NSRP1: variants seen among roughly 807,000 people sequenced by gnomAD.
NSRP1 encodes the protein coiled-coil domain containing 55.
Under a neutral mutation model 54.7 loss-of-function variants are expected in NSRP1, and 24 were observed. The ratio of observed to expected loss-of-function variants is 0.44; its 90% CI spans 0.32 to 0.62. The LOEUF (loss-of-function observed/expected upper bound fraction) is 0.62. Among genes scored for constraint, NSRP1 ranks in the 20% least tolerant of loss-of-function variants. The pLI is 0.06. For synonymous variants in NSRP1, 210 were observed against 213.8 expected (o/e 0.98, Z 0.15); for missense variants, 596 against 651.2 (o/e 0.92, Z 0.92).
chr17:30,137,624 C>G (rs1288184278), intron 2 of NSRP1, among the ~76,000 whole-genome samples: 2 of 152,192 alleles, frequency 1.3e-5, no homozygotes, highest in Non-Finnish European at 2.9e-5. Flanking sequence ...TTTGTTAACA[C>G]AGGATCAATT....
rs1308017662 is a variant in NSRP1, at chr17:30,172,012, T to TCA, written c.115-529_115-528insAC. Among the ~76,000 whole-genome samples, 361 of 77,062 alleles carry TCA rather than the reference T, an allele frequency of 4.7e-3. 12 individuals are homozygous for TCA. In the East Asian group the frequency reaches 0.12, roughly 27 times the overall value. 50.6% of individuals were successfully genotyped at this position (77,062 alleles called of 152,430 possible). On this transcript the variant is annotated intron_variant, in intron 2 of 6. Transcript: ENST00000247026. The stretch of plus-strand genomic sequence containing the variant: ...CTCTCTCTCTCTCTCTCTCTCTCTC[T>TCA]CTCACATGTTCACATGAAGCAAATT...
intron 2 of NSRP1, chr17:30,127,830 T>C (rs1365023503): frequency 2.5e-6 from 1 of 394,452 alleles, no homozygotes. Flanking sequence ...TTTACATTAC[T>C]TATTATTTTT....
In NSRP1 at chr17:30,159,356, T is replaced by G. The variant is rs114326204; in HGVS notation, c.115-13186T>G. ...TTGTTCATTAGTTTTAAGAGGTTTTTTTTGTGTGTGTGTGTAGTCGTTTGG... is the reference window on the plus strand; with the variant it reads ...TTGTTCATTAGTTTTAAGAGGTTTTGTTTGTGTGTGTGTGTAGTCGTTTGG... On this transcript the variant is annotated intron_variant, in intron 2 of 6. Transcript: ENST00000247026. 3.3e-3 allele frequency among the ~76,000 whole-genome samples: 500 copies of G among 152,186 alleles called. 1 individual carries two copies. Among genetic ancestry groups the G allele is most frequent in the African/African-American group, 0.012 (482 of 41,514 alleles).
chr17:30,153,318 TTCTC>T (rs962176516), intron 2 of NSRP1, among the ~76,000 whole-genome samples: 3 of 152,300 alleles, frequency 2.0e-5, no homozygotes, highest in Non-Finnish European at 1.5e-5. Flanking sequence ...TTGTCTTTTT[TTCTC>T]TCTCTCATTT....
At chr17:30,123,406 G>A (rs867304590) in intron 2 of NSRP1, among the ~76,000 whole-genome samples, 10 of 152,202 alleles carry the variant, frequency 6.6e-5, no homozygotes, top group African/African-American at 2.2e-4. Flanking sequence ...ATGAGCCACC[G>A]TGCCCGGCTT....
At chr17:30,166,797 A>T (rs1244559804) in intron 2 of NSRP1, among the ~76,000 whole-genome samples, 1 of 152,038 alleles carries the variant, frequency 6.6e-6, no homozygotes, top group South Asian at 2.1e-4. Flanking sequence ...ATGGTGGCGC[A>T]CACTTGTAAT....
At position 30,185,811 on chromosome 17, in the gene NSRP1, AAGTC is replaced by A; in HGVS notation, c.*142_*145del. On this transcript the variant is annotated 3_prime_UTR_variant, in exon 7 of 7. Coordinates refer to ENST00000247026, the MANE Select transcript of NSRP1 (RefSeq NM_032141.4). ...ATTTATTTTCAAAATTTTAAGTTAA[AAGTC>A]AGTCTTACAGCTTGGATGTTTGGAT... is the stretch of plus-strand genomic sequence containing the variant. The A allele has an allele frequency of 5.1e-6, 5 of 974,032 alleles. No homozygotes were observed. The highest frequency in any genetic ancestry group is 2.4e-4 in the Middle Eastern group (1 of 4,218). The allele number at this position is 974,032 out of a possible 1,614,324, so 60.3% of individuals were successfully genotyped here. A position where few individuals can be genotyped will look rare whatever the true frequency, so the allele number is the denominator to read the frequency against.
Position 30,118,079 on chromosome 17 carries a change from G to C in NSRP1, c.21-1G>C. 3.1e-6 allele frequency: 5 copies of C among 1,612,378 alleles called. No individual in the cohort carries two copies. Among genetic ancestry groups the C allele is most frequent in the Non-Finnish European group, 4.2e-6 (5 of 1,178,654 alleles). ...TTCTATTTCAAAAAAAATATATGCA[G>C]GTATGGGCTTATTTTGCCAAAGAAA... On this transcript the variant is annotated splice_acceptor_variant, in intron 1 of 6. Coordinates refer to ENST00000247026, the MANE Select transcript of NSRP1 (RefSeq NM_032141.4). LOFTEE classifies it high-confidence loss of function.
chr17:30,139,458 A>G (rs1166816543), intron 2 of NSRP1, among the ~76,000 whole-genome samples: 1 of 152,044 alleles, frequency 6.6e-6, no homozygotes, highest in Admixed American at 6.6e-5. Flanking sequence ...ATCCAGTTTC[A>G]TTAAGTTTTC....
chr17:30,163,679 CTT>C (rs370423700), intron 2 of NSRP1, among the ~76,000 whole-genome samples: 38 of 90,836 alleles, frequency 4.2e-4, no homozygotes, highest in African/African-American at 1.8e-3. Context: ...ACTTTGACCA[CTT>C]TTTTTTTTTT....
chr17:30,171,968 ACACACT>A (rs1222078630), intron 2 of NSRP1, among the ~76,000 whole-genome samples: 1 of 119,696 alleles, frequency 8.4e-6, no homozygotes, highest in Non-Finnish European at 1.8e-5. Flanking sequence ...ACACACACAC[ACACACT>A]CCCTCTCTCT....
intron 2 of NSRP1, among the ~76,000 whole-genome samples, chr17:30,134,609 A>T (rs1359328954): frequency 2.0e-5 from 3 of 152,230 alleles, no homozygotes; most frequent in Admixed American, 2.0e-4. Context: ...TAGGGTGTCA[A>T]GAAGTTAACT....
At chr17:30,183,135 G>T (rs191923386) in intron 6 of NSRP1, among the ~76,000 whole-genome samples, 188 of 151,058 alleles carry the variant, frequency 1.2e-3, no homozygotes, top group African/African-American at 4.4e-3. Flanking sequence ...GAGGATTTTT[G>T]AATAAAGTTA....
chr17:30,148,854 TCTTTA>T (rs1408068064), intron 2 of NSRP1, among the ~76,000 whole-genome samples: 1 of 152,226 alleles, frequency 6.6e-6, no homozygotes, highest in African/African-American at 2.4e-5. Context: ...TACTTGCATC[TCTTTA>T]CTTTTCTTGA....
intron 4 of NSRP1, 140 bp from the exon 5 acceptor site, chr17:30,178,950 C>A: frequency 2.3e-6 from 1 of 443,932 alleles, no homozygotes; most frequent in Non-Finnish European, 3.8e-6. Context: ...ATTAATCTTG[C>A]TAGTAAGTTT....
rs761211389 is a variant in NSRP1, at chr17:30,118,186, A to C, written c.114+13A>C. On this transcript the variant is annotated intron_variant, in intron 2 of 6. Coordinates refer to ENST00000247026, the MANE Select transcript of NSRP1 (RefSeq NM_032141.4). ...TGATGATGATGAGGTAAGGAAACCTATGTTTTACTCGTGCATGGTTGGAAA... is the reference window on the plus strand; with the variant it reads ...TGATGATGATGAGGTAAGGAAACCTCTGTTTTACTCGTGCATGGTTGGAAA... 2 of 1,598,746 alleles carry C rather than the reference A, an allele frequency of 1.3e-6. No individual in the cohort carries two copies. Among genetic ancestry groups the C allele is most frequent in the East Asian group, 2.2e-5 (1 of 44,772 alleles).
intron 2 of NSRP1, among the ~76,000 whole-genome samples, chr17:30,171,125 C>T (rs1364500500): frequency 2.0e-5 from 3 of 151,788 alleles, no homozygotes; most frequent in Non-Finnish European, 4.4e-5. Context: ...TACTTCCTAT[C>T]TTCCTCTTGC....
chr17:30,155,862 TG>T (rs1340539115), intron 2 of NSRP1, among the ~76,000 whole-genome samples: 1 of 152,084 alleles, frequency 6.6e-6, no homozygotes, highest in Non-Finnish European at 1.5e-5. Context: ...TTTTTTGAGA[TG>T]GAGTCTCAGT....
At chr17:30,118,359 A>G (rs1401058256) in intron 2 of NSRP1, among the ~76,000 whole-genome samples, 186 bp downstream of exon 2, 1 of 152,228 alleles carries the variant, frequency 6.6e-6, no homozygotes, top group Non-Finnish European at 1.5e-5. Flanking sequence ...TTTTCCCTCT[A>G]AAAGCTGCAA....
Sources: allele counts gnomAD v4.1 joint callset (sites outside exome capture counted in the v4.1 genomes callset), GRCh38; gene constraint gnomAD v4.1.1; transcripts MANE v1.5; gene names NCBI Gene and HGNC (gene_info 2026-07-23, HGNC 2026-07-21).